The following ANKS1B variants were observed in gnomAD, a reference collection of about 807,000 sequenced individuals.
The protein encoded by ANKS1B is ankyrin repeat and sterile alpha motif domain containing 1B, also known as ankyrin repeat and sterile alpha motif domain-containing protein 1B.
A neutral mutation model predicts 148.3 loss-of-function variants in ANKS1B; 36 were observed. That is an observed-to-expected ratio of 0.24 (90% CI 0.19 to 0.32). The LOEUF (loss-of-function observed/expected upper bound fraction) is 0.32. Ranked by LOEUF, ANKS1B falls within the 10% of genes least tolerant of loss-of-function variation. The pLI is 1.00. For synonymous variants in ANKS1B, 542 were observed against 560.8 expected (o/e 0.97, Z 0.47); for missense variants, 1,157 against 1,542.6 (o/e 0.75, Z 4.19).
chr12:99,294,307 A>T (rs919061708), intron 12 of ANKS1B, among the ~76,000 whole-genome samples: 1 of 152,224 alleles, frequency 6.6e-6, no homozygotes, highest in Non-Finnish European at 1.5e-5. Context: ...GATAAAGAAA[A>T]TGTGGTATAT....
Position 99,812,195 on chromosome 12 carries a change from A to G in ANKS1B, c.332T>C (p.Leu111Pro). ...GGAATGTGATGGTCCATGATGAATA[A>G]GAATCTTCACAATTTCCACATCTCC... ...WKGDVEIVKILIHHGPSHSRV... is the reference protein window; with the variant it reads ...WKGDVEIVKIPIHHGPSHSRV... The change falls in exon 3 of 27, where the codon CTT becomes CCT. Residue 111 changes from leucine (L) to proline (P), a missense_variant. This residue lies in a region of ANKS1B where 164 missense variants were observed against 232.6 expected (regional missense o/e 0.71). Coordinates refer to ENST00000683438, the MANE Select transcript of ANKS1B (RefSeq NM_001352186.2). The G allele has an allele frequency of 6.2e-7, 1 of 1,612,040 alleles. No homozygotes were observed. Among genetic ancestry groups the G allele is most frequent in the East Asian group, 2.2e-5 (1 of 44,836 alleles).
At position 99,702,465 on chromosome 12, in the gene ANKS1B, CA is replaced by C. The variant is rs373776989; in HGVS notation, c.1129-47256del. Among the ~76,000 whole-genome samples the C allele has an allele frequency of 3.9e-4, 60 of 152,218 alleles. No homozygotes were observed. The East Asian group carries it at 9.3e-3, about 24-fold the overall frequency. ...AATCCCTTGTTATAGGGGTTGTCTG[CA>C]AATATTGTCTCCCATTCTGTGGGTC... is the stretch of plus-strand genomic sequence containing the variant. On this transcript the variant is annotated intron_variant, in intron 8 of 26. Transcript: ENST00000683438.
intron 12 of ANKS1B, among the ~76,000 whole-genome samples, chr12:99,355,712 A>G (rs970943327): frequency 1.3e-5 from 2 of 152,072 alleles, no homozygotes; most frequent in Non-Finnish European, 2.9e-5. Flanking sequence ...AGAAGGGAAT[A>G]TTTTTCTTTA....
At chr12:99,073,618 G>A (rs2046931477) in intron 16 of ANKS1B, among the ~76,000 whole-genome samples, 1 of 148,824 alleles carries the variant, frequency 6.7e-6, no homozygotes, top group Admixed American at 6.6e-5. Flanking sequence ...TGTATTTCTA[G>A]AGCTCTTGGA....
At chr12:99,695,594 G>T (rs557910780) in intron 8 of ANKS1B, among the ~76,000 whole-genome samples, 76 of 152,198 alleles carry the variant, frequency 5.0e-4, no homozygotes, top group Middle Eastern at 3.4e-3. Context: ...GGGTCTACCT[G>T]GCCTAAATAA....
chr12:99,797,961 T>C (rs549689876), intron 4 of ANKS1B, among the ~76,000 whole-genome samples: 1 of 152,056 alleles, frequency 6.6e-6, no homozygotes, highest in South Asian at 2.1e-4. Context: ...CAGTTGTGCA[T>C]TTAAAGGGAT....
chr12:98,866,113 A>G (rs535580172), intron 17 of ANKS1B, among the ~76,000 whole-genome samples: 10 of 152,256 alleles, frequency 6.6e-5, no homozygotes, highest in African/African-American at 2.2e-4. Context: ...TTAGGATTTC[A>G]ATATATAAAT....
rs147858519 is a variant in ANKS1B at position 98,846,957 on chromosome 12, T to C, written c.2779-14821A>G. On this transcript the variant is annotated intron_variant, in intron 17 of 26. Coordinates refer to ENST00000683438, the MANE Select transcript of ANKS1B (RefSeq NM_001352186.2). ...CCACTTTATTCCAGTATGACTGACA[T>C]GTAAAAGGTTGTACGTATTTAATGC... Among the ~76,000 whole-genome samples, 89 of 152,350 alleles carry C rather than the reference T, an allele frequency of 5.8e-4. No individual in the cohort carries two copies. In the East Asian group the frequency reaches 0.017, roughly 28 times the overall value.
chr12:99,895,985 G>A (rs1460050287), intron 1 of ANKS1B, among the ~76,000 whole-genome samples: 1 of 150,858 alleles, frequency 6.6e-6, no homozygotes, highest in African/African-American at 2.4e-5. Flanking sequence ...TCTCTTTAAG[G>A]TATATAACAT....
intron 17 of ANKS1B, among the ~76,000 whole-genome samples, chr12:99,033,712 C>T (rs2099953742): frequency 1.3e-5 from 2 of 152,218 alleles, no homozygotes; most frequent in East Asian, 3.9e-4. Flanking sequence ...CTCCTCTGCA[C>T]TCAGGTGCGT....
At chr12:99,568,229 A>G (rs2097417949) in intron 9 of ANKS1B, among the ~76,000 whole-genome samples, 1 of 152,154 alleles carries the variant, frequency 6.6e-6, no homozygotes, top group Non-Finnish European at 1.5e-5. Flanking sequence ...CTTCTAGAGG[A>G]GACTTGCATT....
At chr12:99,200,633 G>T (rs577623315) in intron 14 of ANKS1B, among the ~76,000 whole-genome samples, 1 of 152,130 alleles carries the variant, frequency 6.6e-6, no homozygotes, top group Non-Finnish European at 1.5e-5. Flanking sequence ...GACCTCTTCA[G>T]GGGTGGTTTC....
chr12:99,091,311 G>C (rs977091318), intron 15 of ANKS1B, among the ~76,000 whole-genome samples: 10 of 152,088 alleles, frequency 6.6e-5, no homozygotes, highest in Admixed American at 5.2e-4. Context: ...TGAAACATCT[G>C]TTGTCAAGCT....
intron 12 of ANKS1B, among the ~76,000 whole-genome samples, chr12:99,329,356 A>G (rs577578664): frequency 6.6e-6 from 1 of 152,044 alleles, no homozygotes; most frequent in Non-Finnish European, 1.5e-5. Flanking sequence ...TTGTGCCTGT[A>G]CATTTTGATT....
chr12:99,717,644 C>T (rs1353282052), intron 8 of ANKS1B, among the ~76,000 whole-genome samples: 7 of 152,308 alleles, frequency 4.6e-5, no homozygotes, highest in African/African-American at 1.7e-4. Flanking sequence ...CAGATCTTCT[C>T]GGCTTAGTGG....
At chr12:98,871,267 T>C (rs944690316) in intron 17 of ANKS1B, among the ~76,000 whole-genome samples, 3 of 152,162 alleles carry the variant, frequency 2.0e-5, no homozygotes, top group Non-Finnish European at 4.4e-5. Context: ...CATCCATAAT[T>C]TTCTCTCTTC....
intron 8 of ANKS1B, among the ~76,000 whole-genome samples, chr12:99,668,416 CTCA>C (rs2098520006): frequency 6.6e-6 from 1 of 151,292 alleles, no homozygotes; most frequent in Non-Finnish European, 1.5e-5. Flanking sequence ...CCTCTTTTAT[CTCA>C]TTTTTTTTAA....
intron 17 of ANKS1B, among the ~76,000 whole-genome samples, chr12:99,000,918 T>C (rs1273789102): frequency 6.6e-6 from 1 of 152,154 alleles, no homozygotes; most frequent in Non-Finnish European, 1.5e-5. Context: ...TCCTATTATA[T>C]ATGTCAACAT....
intron 16 of ANKS1B, among the ~76,000 whole-genome samples, chr12:99,078,005 A>G (rs2048405958): frequency 6.6e-6 from 1 of 152,188 alleles, no homozygotes; most frequent in African/African-American, 2.4e-5. Flanking sequence ...TTATGAAAGA[A>G]ACCCACAGTT....
Sources: allele counts gnomAD v4.1 joint callset (sites outside exome capture counted in the v4.1 genomes callset), GRCh38; gene constraint gnomAD v4.1.1; regional missense constraint gnomAD v4.1.1; transcripts MANE v1.5; gene names NCBI Gene and HGNC (gene_info 2026-07-23, HGNC 2026-07-21).